The following FLRT2 variants were observed in gnomAD, a reference collection of about 807,000 sequenced individuals.
The protein encoded by FLRT2 is fibronectin leucine rich transmembrane protein 2, also known as leucine-rich repeat transmembrane protein FLRT2.
Under a neutral mutation model 40.0 loss-of-function variants are expected in FLRT2, and 15 were observed. The ratio of observed to expected loss-of-function variants is 0.38; its 90% CI spans 0.25 to 0.58. FLRT2 has a LOEUF of 0.58. Among genes scored for constraint, FLRT2 ranks in the 20% least tolerant of loss-of-function variants. The pLI, the probability that FLRT2 is intolerant of heterozygous loss-of-function variation, is 0.71. For missense variants in FLRT2, 726 were observed against 840.0 expected, an observed-to-expected ratio of 0.86 and a Z score of 1.68; for synonymous variants, 380 against 336.8, an observed-to-expected ratio of 1.13 and a Z score of -1.41.
chr14:85,553,751 G>A (rs1223592920), intron 1 of FLRT2, among the ~76,000 whole-genome samples: 1 of 152,124 alleles, frequency 6.6e-6, no homozygotes, highest in Admixed American at 6.5e-5. Flanking sequence ...CCTCCAATAG[G>A]TGACTATAAA....
chr14:85,536,969 T>C (rs1020172705), intron 1 of FLRT2, among the ~76,000 whole-genome samples: 1 of 152,186 alleles, frequency 6.6e-6, no homozygotes, highest in African/African-American at 2.4e-5. Context: ...AGTGAAATTT[T>C]ATTGCTCCTA....
In FLRT2 at chr14:85,632,925, A is replaced by C. The variant is rs1893916828; in HGVS notation, c.*9428A>C. The C allele has an allele frequency of 6.6e-6, 1 of 152,228 alleles. No individual in the cohort carries two copies. The highest frequency in any genetic ancestry group is 2.4e-5 in the African/African-American group (1 of 41,446). 9.4% of individuals were successfully genotyped at this position (152,228 alleles called of 1,614,324 possible). A position where few individuals can be genotyped will look rare whatever the true frequency, so the allele number is the denominator to read the frequency against. On this transcript the variant is annotated 3_prime_UTR_variant, in exon 2 of 2. Transcript: ENST00000330753. ...TCCTAAAATGGGGACAATGATGTCT[A>C]ACACATATGGTGGTTGTCAGAATTA... is the stretch of plus-strand genomic sequence containing the variant.
intron 1 of FLRT2, among the ~76,000 whole-genome samples, chr14:85,537,857 T>A (rs990134294): frequency 7.9e-5 from 12 of 151,454 alleles, no homozygotes; most frequent in African/African-American, 2.9e-4. Context: ...TTTTTTTTTT[T>A]CTTCCTTAGC....
At chr14:85,582,878 A>T (rs1297232689) in intron 1 of FLRT2, among the ~76,000 whole-genome samples, 1 of 151,780 alleles carries the variant, frequency 6.6e-6, no homozygotes, top group Non-Finnish European at 1.5e-5. Flanking sequence ...GGAGATATAT[A>T]CATATATATC....
Position 85,623,176 on chromosome 14 carries a change from G to A in FLRT2, c.1662G>A (p.Val554=), listed in dbSNP as rs150507788. 232 of 1,567,960 alleles carry A rather than the reference G, an allele frequency of 1.5e-4. 1 individual carries two copies. Among genetic ancestry groups the A allele is most frequent in the Middle Eastern group, 1.7e-4 (1 of 5,832 alleles). Reference sequence around the variant, plus strand: ...TGATCGGGGGCGCGGTGATATTTGTGCTGGTGGTCTTGCTCAGCGTCTTTT... The same window carrying A: ...TGATCGGGGGCGCGGTGATATTTGTACTGGTGGTCTTGCTCAGCGTCTTTT... ...AGLIGGAVIF[V]LVVLLSVFCW... The change falls in exon 2 of 2, where the codon GTG becomes GTA. Residue 554 remains valine (V), a synonymous_variant. Transcript: ENST00000330753.
intron 1 of FLRT2, among the ~76,000 whole-genome samples, chr14:85,606,031 G>T (rs1422252619): frequency 2.6e-5 from 4 of 152,030 alleles, no homozygotes; most frequent in African/African-American, 7.3e-5. Flanking sequence ...TAGCATTCAT[G>T]ATTTTTTCTG....
At chr14:85,544,356 G>A (rs1889157550) in intron 1 of FLRT2, among the ~76,000 whole-genome samples, 1 of 152,186 alleles carries the variant, frequency 6.6e-6, no homozygotes, top group Admixed American at 6.5e-5. Context: ...TTACGTAGAT[G>A]TTCACACAGA....
rs935676732 is a variant in FLRT2 at position 85,629,290 on chromosome 14, G to A, written c.*5793G>A. 6.6e-6 allele frequency: 1 copy of A among 152,178 alleles called. No individual in the cohort carries two copies. Among genetic ancestry groups the A allele is most frequent in the Non-Finnish European group, 1.5e-5 (1 of 68,036 alleles). The allele number at this position is 152,178 out of a possible 1,614,324, so 9.4% of individuals were successfully genotyped here. A position where few individuals can be genotyped will look rare whatever the true frequency, so the allele number is the denominator to read the frequency against. On this transcript the variant is annotated 3_prime_UTR_variant, in exon 2 of 2. Transcript: ENST00000330753. ...ATGTTCTTGGTTTTTAATAGATGCA[G>A]CAATGAGAGAGTACATTGCTAAAGT...
In FLRT2 at chr14:85,623,498, C is replaced by A; in HGVS notation, c.*1C>A. Reference sequence around the variant, plus strand: ...AGACCTGGAGCACTGCCATACGTGACAGCCAGAGGCCCAGCGTTATCAAGG... The same window carrying A: ...AGACCTGGAGCACTGCCATACGTGAAAGCCAGAGGCCCAGCGTTATCAAGG... On this transcript the variant is annotated 3_prime_UTR_variant, in exon 2 of 2. Transcript: ENST00000330753. 7.0e-7 allele frequency: 1 copy of A among 1,426,346 alleles called. No homozygotes were observed. Among genetic ancestry groups the A allele is most frequent in the Non-Finnish European group, 9.2e-7 (1 of 1,088,180 alleles). The allele number at this position is 1,426,346 out of a possible 1,614,324, so 88.4% of individuals were successfully genotyped here.
In FLRT2 at chr14:85,621,781, G is replaced by C; in HGVS notation, c.267G>C (p.Ser89=). 6.2e-7 allele frequency: 1 copy of C among 1,614,116 alleles called. No individual in the cohort carries two copies. Among genetic ancestry groups the C allele is most frequent in the Non-Finnish European group, 8.5e-7 (1 of 1,180,020 alleles). Residue 89 remains serine, a synonymous_variant, in exon 2 of 2, where the codon TCG becomes TCC. Coordinates refer to ENST00000330753, the MANE Select transcript of FLRT2 (RefSeq NM_013231.6). ...CTGCAGAACTGCACAATGTACAGTC[G>C]GTGCACACGGTCTACCTGTATGGCA... ...GFPAELHNVQ[S]VHTVYLYGNQ... is the part of the protein sequence containing the mutation.
In FLRT2 at chr14:85,643,363, C is replaced by CTTTCT. The variant is rs1201334964; in HGVS notation, c.*19868_*19869insTCTTT. On this transcript the variant is annotated 3_prime_UTR_variant, in exon 2 of 2. Transcript: ENST00000330753. Reference sequence around the variant, plus strand: ...TCTTTCTTTCTTTCTTTCTTCCTTCCTTCCTTCCTTCCTTTCTTTCCTTTC... The same window carrying CTTTCT: ...TCTTTCTTTCTTTCTTTCTTCCTTCCTTTCTTTCCTTCCTTCCTTTCTTTCCTTTC... 1 of 123,964 alleles carries CTTTCT rather than the reference C, an allele frequency of 8.1e-6. No individual in the cohort carries two copies. The highest frequency in any genetic ancestry group is 3.1e-5 in the African/African-American group (1 of 32,020). 7.7% of individuals were successfully genotyped at this position (123,964 alleles called of 1,614,324 possible).
At chr14:85,615,127 T>G (rs1312013703) in intron 1 of FLRT2, among the ~76,000 whole-genome samples, 1 of 152,174 alleles carries the variant, frequency 6.6e-6, no homozygotes. Context: ...CAGGCAGTAG[T>G]TGACGTGGAA....
At chr14:85,587,121 T>G (rs1054157610) in intron 1 of FLRT2, among the ~76,000 whole-genome samples, 1 of 152,014 alleles carries the variant, frequency 6.6e-6, no homozygotes, top group Admixed American at 6.6e-5. Flanking sequence ...CATTTTACCA[T>G]CAAACGAGGA....
At chr14:85,586,234 G>T (rs890102958) in intron 1 of FLRT2, among the ~76,000 whole-genome samples, 1 of 151,324 alleles carries the variant, frequency 6.6e-6, no homozygotes, top group Non-Finnish European at 1.5e-5. Flanking sequence ...TTTTACAGAA[G>T]AGGAAAAGAA....
chr14:85,581,309 A>T (rs924214288), intron 1 of FLRT2, among the ~76,000 whole-genome samples: 5 of 152,218 alleles, frequency 3.3e-5, no homozygotes, highest in Non-Finnish European at 5.9e-5. Context: ...GAACAGAGCA[A>T]GCAGTGCTCT....
intron 1 of FLRT2, among the ~76,000 whole-genome samples, chr14:85,530,942 A>G (rs1470514328): frequency 6.6e-6 from 1 of 152,150 alleles, no homozygotes; most frequent in African/African-American, 2.4e-5. Flanking sequence ...GCTGTTGTTA[A>G]TGTCACCAGC....
Position 85,625,408 on chromosome 14 carries a change from T to C in FLRT2, c.*1911T>C, listed in dbSNP as rs537537602. ...TCTTTATAGTAAGAGCTTTATTTTC[T>C]TTAATAATATAGCCCAACTTATATG... On this transcript the variant is annotated 3_prime_UTR_variant, in exon 2 of 2. Coordinates refer to ENST00000330753, the MANE Select transcript of FLRT2 (RefSeq NM_013231.6). 1 of 167,106 alleles carries C rather than the reference T, an allele frequency of 6.0e-6. No homozygotes were observed. Among genetic ancestry groups the C allele is most frequent in the Admixed American group, 6.5e-5 (1 of 15,310 alleles). The allele number at this position is 167,106 out of a possible 1,614,324, so 10.4% of individuals were successfully genotyped here.
chr14:85,571,066 C>G (rs1001607980), intron 1 of FLRT2, among the ~76,000 whole-genome samples: 1 of 152,018 alleles, frequency 6.6e-6, no homozygotes, highest in Non-Finnish European at 1.5e-5. Context: ...GATCTAGGGT[C>G]CTGGTAACAT....
chr14:85,544,732 A>C lies in FLRT2; in HGVS notation c.-377+14198A>C, dbSNP rs536716461. Among the ~76,000 whole-genome samples, 130 of 152,314 alleles carry C rather than the reference A, an allele frequency of 8.5e-4. 4 individuals carry two copies. The South Asian group carries it at 0.02, about 23-fold the overall frequency. Reference sequence around the variant, plus strand: ...GTTTAATGTGTTGATGGTTACAGGAAGTTGGACTTTAGGTTCTTCTTGTTG... The same window carrying C: ...GTTTAATGTGTTGATGGTTACAGGACGTTGGACTTTAGGTTCTTCTTGTTG... On this transcript the variant is annotated intron_variant, in intron 1 of 1. Transcript: ENST00000330753.
Sources: gnomAD v4.1 joint callset for allele counts (sites outside exome capture counted in the v4.1 genomes callset) on GRCh38, gnomAD v4.1.1 for gene constraint, MANE v1.5 for transcripts, NCBI Gene and HGNC (gene_info 2026-07-23, HGNC 2026-07-21) for gene names.